PNPLA6: variants seen among roughly 807,000 people sequenced by gnomAD.
The protein encoded by PNPLA6 is patatin like domain 6, lysophospholipase, also known as patatin-like phospholipase domain-containing protein 6.
A neutral mutation model predicts 153.7 loss-of-function variants in PNPLA6; 105 were observed. The observed-to-expected ratio is 0.68, with a 90% confidence interval of 0.58 to 0.80. The LOEUF (loss-of-function observed/expected upper bound fraction) is 0.80, where lower values mean the gene tolerates loss of function less well. Ranked by LOEUF, PNPLA6 falls within the 30% of genes least tolerant of loss-of-function variation. PNPLA6 has a pLI of 0.00. For missense variants in PNPLA6, 1,423 were observed against 1,919.3 expected, an observed-to-expected ratio of 0.74 and a Z score of 4.83; for synonymous variants, 825 against 822.2, an observed-to-expected ratio of 1.00 and a Z score of -0.06.
rs368637145 is a variant in PNPLA6 at position 7,540,314 on chromosome 19, T to G, written c.714+6T>G. 250 of 1,601,956 alleles carry G rather than the reference T, an allele frequency of 1.6e-4. No homozygotes were observed. The highest frequency in any genetic ancestry group is 5.0e-5 in the Admixed American group (3 of 59,786). ...AGCTCTGTCTGCCAGGGCCTGTGAG[T>G]GGGCCTCCCCAGGGGCTGCTGCAGG... On this transcript the variant is annotated splice_donor_region_variant and intron_variant, in intron 5 of 31. Transcript: ENST00000600737. The surrounding 1 kb of genome is among the most constrained non-coding windows in gnomAD (Gnocchi z 6.8).
At chr19:7,557,783 C>CAAA (rs1555751198) in intron 27 of PNPLA6, among the ~76,000 whole-genome samples, 1 of 110,600 alleles carries the variant, frequency 9.0e-6, no homozygotes, top group Admixed American at 9.1e-5. Context: ...GACTCAGTCT[C>CAAA]AAAAAAAAAA....
intron 2 of PNPLA6, 65 bp downstream of exon 2, chr19:7,536,338 C>A: frequency 6.9e-7 from 1 of 1,442,858 alleles, no homozygotes; most frequent in South Asian, 1.1e-5. Flanking sequence ...CCTATTTACA[C>A]TTCTTAGTGT....
In PNPLA6 at chr19:7,541,007, G is replaced by A. The variant is rs751555397; in HGVS notation, c.880G>A (p.Ala294Thr). 2.5e-6 allele frequency: 4 copies of A among 1,611,216 alleles called. No individual in the cohort carries two copies. The highest frequency in any genetic ancestry group is 2.2e-5 in the South Asian group (2 of 90,700). ...VLRLPVEAFSAVFTKYPESLV... is the reference protein window; with the variant it reads ...VLRLPVEAFSTVFTKYPESLV... Reference sequence around the variant, plus strand: ...GCGCCTGCCGGTGGAAGCATTCTCCGCGGTCTTCACCAAGTACCCGGAGAG... The same window carrying A: ...GCGCCTGCCGGTGGAAGCATTCTCCACGGTCTTCACCAAGTACCCGGAGAG... The change falls in exon 7 of 32, where the codon GCG becomes ACG. Residue 294 changes from alanine to threonine, a missense_variant. Physicochemically the swap from Ala to Thr is moderately conservative, Grantham distance 58. This residue lies in a region of PNPLA6 where 118 missense variants were observed against 158.8 expected (regional missense o/e 0.74). Coordinates refer to ENST00000600737, the MANE Select transcript of PNPLA6 (RefSeq NM_001166114.2). This position sits in a 1 kb window ranked among gnomAD's most constrained non-coding sequence, Gnocchi z 5.2.
Position 7,542,759 on chromosome 19 carries a change from A to G in PNPLA6, c.1363-2A>G, listed in dbSNP as rs764363176. 1 of 1,612,964 alleles carries G rather than the reference A, an allele frequency of 6.2e-7. No homozygotes were observed. Among genetic ancestry groups the G allele is most frequent in the South Asian group, 1.1e-5 (1 of 91,080 alleles). ...AGGAGGTCACAAGCCTGCCCCACTC[A>G]GACCCCCACTCAGGAGCCTCGTGAG... On this transcript the variant is annotated splice_acceptor_variant, in intron 11 of 31. Coordinates refer to ENST00000600737, the MANE Select transcript of PNPLA6 (RefSeq NM_001166114.2). LOFTEE classifies it high-confidence loss of function.
intron 27 of PNPLA6, chr19:7,557,519 C>T: frequency 1.8e-6 from 1 of 562,798 alleles, no homozygotes; most frequent in Non-Finnish European, 3.3e-6. Flanking sequence ...CGCGGTGGCT[C>T]AGCCTGGAAT....
chr19:7,551,495 C>A, intron 18 of PNPLA6, 58 bp downstream of exon 18: 1 of 1,401,386 alleles, frequency 7.1e-7, no homozygotes, highest in Non-Finnish European at 1.0e-6. Flanking sequence ...CCAGAGCATG[C>A]TGGGAGGGAA....
At position 7,555,416 on chromosome 19, in the gene PNPLA6, T is replaced by C. The variant is rs1309986516; in HGVS notation, c.2936+49T>C. On this transcript the variant is annotated intron_variant, in intron 23 of 31. Coordinates refer to ENST00000600737, the MANE Select transcript of PNPLA6 (RefSeq NM_001166114.2). The surrounding 1 kb of genome is among the most constrained non-coding windows in gnomAD (Gnocchi z 6.3). ...GGGGCGGGGCCTGGATGTCCGAGGG[T>C]GGAGCTTCCTGGGAGAAACCGTGGG... The C allele has an allele frequency of 3.6e-6, 5 of 1,383,324 alleles. No homozygotes were observed. The African/African-American group carries it at 7.3e-5, about 20-fold the overall frequency. 85.7% of individuals were successfully genotyped at this position (1,383,324 alleles called of 1,614,324 possible).
intron 17 of PNPLA6, 77 bp from the exon 18 acceptor site, chr19:7,551,285 C>T (rs981653833): frequency 6.0e-5 from 87 of 1,453,664 alleles, no homozygotes; most frequent in Non-Finnish European, 7.6e-5. Flanking sequence ...CCAGGAGCCC[C>T]GGCATAGGAG....
At chr19:7,549,332 G>A (rs1309699374) in intron 13 of PNPLA6, among the ~76,000 whole-genome samples, 1 of 149,318 alleles carries the variant, frequency 6.7e-6, no homozygotes, top group Non-Finnish European at 1.5e-5. Flanking sequence ...GACTACAGGC[G>A]CCCGCCACCA....
At chr19:7,554,363 C>A in intron 20 of PNPLA6, 91 bp downstream of exon 20, 2 of 1,336,478 alleles carry the variant, frequency 1.5e-6, no homozygotes, top group Non-Finnish European at 2.2e-6. Context: ...TGGCTTCCAA[C>A]CACGGAGCCT....
At chr19:7,545,445 G>A (rs2023347368) in intron 13 of PNPLA6, among the ~76,000 whole-genome samples, 2 of 152,182 alleles carry the variant, frequency 1.3e-5, no homozygotes. Flanking sequence ...GTACCAGACA[G>A]GTTGGTGTGG....
In PNPLA6 at chr19:7,542,854, C is replaced by G. The variant is rs1055816694; in HGVS notation, c.1456C>G (p.Pro486Ala). 6.2e-7 allele frequency: 1 copy of G among 1,612,978 alleles called. No homozygotes were observed. Among genetic ancestry groups the G allele is most frequent in the Non-Finnish European group, 8.5e-7 (1 of 1,179,854 alleles). Reference protein sequence around the residue: ...ESATGGCPFGPYQGRQTSSIF... With the variant: ...ESATGGCPFGAYQGRQTSSIF... ...GGCCACTGGTGGCTGCCCTTTCGGG[C>G]CCTACCAGGGCCGCCAGACCAGCAG... The change falls in exon 12 of 32, where the codon CCC (proline) becomes GCC (alanine). Residue 486 changes from proline to alanine, a missense_variant. By Grantham distance (27) the Pro-to-Ala change is conservative. Coordinates refer to ENST00000600737, the MANE Select transcript of PNPLA6 (RefSeq NM_001166114.2).
rs2024089434 is a variant in PNPLA6, at chr19:7,561,274, G to A, written c.3980G>A (p.Gly1327Glu). 6.2e-7 allele frequency: 1 copy of A among 1,610,658 alleles called. No homozygotes were observed. The highest frequency in any genetic ancestry group is 8.5e-7 in the Non-Finnish European group (1 of 1,179,096). ...DAGPDCSRDE[G>E]GSPEGASPST... The stretch of plus-strand genomic sequence containing the variant: ...GGACCCGACTGCTCGAGGGATGAAG[G>A]GGGGTCCCCCGAGGGCGCAAGCCCC... Residue 1327 changes from glycine to glutamate, a missense_variant, in exon 31 of 32, where the codon GGG becomes GAG. By Grantham distance (98) the Gly-to-Glu change is moderately conservative. Transcript: ENST00000600737.
At chr19:7,535,692 C>T (rs1934259061), upstream of PNPLA6, 8 of 1,526,084 alleles carry the variant, frequency 5.2e-6, no homozygotes, top group South Asian at 2.4e-5. This position sits in a 1 kb window ranked among gnomAD's most constrained non-coding sequence, Gnocchi z 5.0. Context: ...TGCGTCCGCT[C>T]GGGCGGAACT....
rs765608367 is a variant in PNPLA6, at chr19:7,561,606, G to T, written c.*44G>T. Reference sequence around the variant, plus strand: ...CCCCCTCCCTCCCACCCCTGGACTGGGCTGGGGGTGGCCCCGTGGGGGTAG... The same window carrying T: ...CCCCCTCCCTCCCACCCCTGGACTGTGCTGGGGGTGGCCCCGTGGGGGTAG... On this transcript the variant is annotated 3_prime_UTR_variant, in exon 32 of 32. Transcript: ENST00000600737. 81 of 1,395,456 alleles carry T rather than the reference G, an allele frequency of 5.8e-5. No individual in the cohort carries two copies. The African/African-American group carries it at 1.1e-3, about 18-fold the overall frequency. The allele number at this position is 1,395,456 out of a possible 1,614,324, so 86.4% of individuals were successfully genotyped here. A position where few individuals can be genotyped will look rare whatever the true frequency, so the allele number is the denominator to read the frequency against.
Position 7,541,209 on chromosome 19 carries a change from T to C in PNPLA6, c.925-145T>C. 9.1e-7 allele frequency: 1 copy of C among 1,096,942 alleles called. No individual in the cohort carries two copies. The highest frequency in any genetic ancestry group is 1.3e-6 in the Non-Finnish European group (1 of 740,794). The allele number at this position is 1,096,942 out of a possible 1,614,324, so 68.0% of individuals were successfully genotyped here. On this transcript the variant is annotated intron_variant, in intron 7 of 31. Transcript: ENST00000600737. This position sits in a 1 kb window ranked among gnomAD's most constrained non-coding sequence, Gnocchi z 5.2. ...ATGTCTGCAGCCGCGGACTCCTCCC[T>C]TAGCTGCCTCGCCCCATTTCCCCAG...
At chr19:7,556,106 A>G in intron 24 of PNPLA6, among the ~76,000 whole-genome samples, 1 of 119,638 alleles carries the variant, frequency 8.4e-6, no homozygotes, top group Non-Finnish European at 1.6e-5. Context: ...TCTGTCGCCC[A>G]GGCTGGAGTG....
Position 7,557,154 on chromosome 19 carries a change from G to A in PNPLA6, c.3281-14G>A. ...TGTCTGTGCGTGTTTGTGTCTGTGT[G>A]TCCCACCGCGCAGGCTCCCTGTGGC... On this transcript the variant is annotated splice_polypyrimidine_tract_variant and intron_variant, in intron 26 of 31. Coordinates refer to ENST00000600737, the MANE Select transcript of PNPLA6 (RefSeq NM_001166114.2). The A allele has an allele frequency of 6.3e-7, 1 of 1,588,082 alleles. No homozygotes were observed. Among genetic ancestry groups the A allele is most frequent in the Non-Finnish European group, 8.6e-7 (1 of 1,159,652 alleles).
intron 3 of PNPLA6, 69 bp from the exon 4 acceptor site, chr19:7,539,849 G>A (rs1434208414): frequency 1.3e-5 from 14 of 1,061,144 alleles, no homozygotes; most frequent in Non-Finnish European, 1.7e-5. Context: ...AGGGGTATGC[G>A]GGGGTCTTAG....
Sources: allele counts gnomAD v4.1 joint callset (sites outside exome capture counted in the v4.1 genomes callset), GRCh38; gene constraint gnomAD v4.1.1; regional missense constraint gnomAD v4.1.1; non-coding constraint Gnocchi (gnomAD v3.1); transcripts MANE v1.5; gene names NCBI Gene and HGNC (gene_info 2026-07-23, HGNC 2026-07-21).